CRYZL1: variants seen among roughly 807,000 people sequenced by gnomAD.
The protein encoded by CRYZL1 is crystallin zeta like 1.
In CRYZL1, 34 loss-of-function variants were observed where a neutral mutation model predicts 50.6. That is an observed-to-expected ratio of 0.67 (90% CI 0.51 to 0.89). The LOEUF is 0.89. Among genes scored for constraint, CRYZL1 ranks in the 40% least tolerant of loss-of-function variants. CRYZL1 has a pLI of 0.00. For missense variants in CRYZL1, 354 were observed against 402.3 expected (o/e 0.88, Z 1.03); for synonymous variants, 125 against 134.3 (o/e 0.93, Z 0.48).
intron 5 of CRYZL1, among the ~76,000 whole-genome samples, chr21:33,615,030 A>G (rs2086913265): frequency 6.6e-6 from 1 of 152,224 alleles, no homozygotes; most frequent in South Asian, 2.1e-4. Context: ...ATAATGCCTG[A>G]GTCAAAGGCA....
intron 5 of CRYZL1, among the ~76,000 whole-genome samples, chr21:33,614,675 G>A (rs1051027897): frequency 5.9e-5 from 9 of 152,020 alleles, no homozygotes; most frequent in Non-Finnish European, 7.4e-5. Context: ...GGGTTCAAGC[G>A]ATTCTCCTGC....
intron 2 of CRYZL1, among the ~76,000 whole-genome samples, chr21:33,629,979 A>T (rs2154503): frequency 1.2e-4 from 18 of 152,122 alleles, no homozygotes; most frequent in Admixed American, 7.8e-4. Context: ...TTCTGTATCT[A>T]TTGAGATGAT....
intron 11 of CRYZL1, chr21:33,595,482 T>A (rs752605789): frequency 7.5e-7 from 1 of 1,337,820 alleles, no homozygotes; most frequent in South Asian, 1.2e-5. Context: ...CGCCACTTGC[T>A]GCGTCCTTGA....
chr21:33,623,520 A>T (rs1333809355), intron 3 of CRYZL1, among the ~76,000 whole-genome samples: 1 of 152,202 alleles, frequency 6.6e-6, no homozygotes, highest in East Asian at 1.9e-4. Context: ...ATCTGAAAAC[A>T]GAAGTCTGCA....
At chr21:33,616,497 G>T in intron 5 of CRYZL1, 1 of 742,298 alleles carries the variant, frequency 1.3e-6, no homozygotes, top group Non-Finnish European at 2.1e-6. Context: ...TCTCCATGTT[G>T]GTCAGGCTGG....
chr21:33,610,210 G>T (rs900508414), intron 6 of CRYZL1, among the ~76,000 whole-genome samples: 5 of 151,866 alleles, frequency 3.3e-5, no homozygotes, highest in African/African-American at 9.7e-5. Flanking sequence ...CTGTTGCCCA[G>T]GCTGGAGTAC....
At chr21:33,629,788 G>C (rs1180969747) in intron 2 of CRYZL1, among the ~76,000 whole-genome samples, 3 of 152,168 alleles carry the variant, frequency 2.0e-5, no homozygotes, top group Non-Finnish European at 2.9e-5. Flanking sequence ...AGTAGTGAAA[G>C]TGGGCATCCT....
chr21:33,641,087 T>G, intron 1 of CRYZL1: 1 of 1,529,928 alleles, frequency 6.5e-7, no homozygotes, highest in Non-Finnish European at 8.8e-7. Context: ...GGTAAAACCT[T>G]TCTACTCATA....
intron 4 of CRYZL1, among the ~76,000 whole-genome samples, chr21:33,619,027 T>C (rs1015922586): frequency 2.6e-5 from 4 of 152,202 alleles, no homozygotes; most frequent in Non-Finnish European, 4.4e-5. Flanking sequence ...ACTCATTTAA[T>C]TGCTTACTAG....
chr21:33,597,609 ACT>A (rs1491584260), intron 9 of CRYZL1, among the ~76,000 whole-genome samples: 1 of 63,272 alleles, frequency 1.6e-5, no homozygotes, highest in Non-Finnish European at 3.1e-5. Flanking sequence ...GTCCGCCGGC[ACT>A]CTCTTTTTGT....
Position 33,624,683 on chromosome 21 carries a change from C to G in CRYZL1, c.144G>C (p.Lys48Asn). Residue 48 changes from lysine (K) to asparagine (N), a missense_variant and splice_region_variant, in exon 3 of 13, where the codon AAG becomes AAC. By Grantham distance (94) the Lys-to-Asn change is moderately conservative (BLOSUM62 0). Transcript: ENST00000381554. ...KACALSQINT[K>N]LLAEMKMKKD... ...TGTGCCATAATAAAAGAACCAATAC[C>G]TTTGTATTTATCTGGCTCAGAGCAC... is the stretch of plus-strand genomic sequence containing the variant. 1.9e-6 allele frequency: 3 copies of G among 1,607,716 alleles called. No individual in the cohort carries two copies. Among genetic ancestry groups the G allele is most frequent in the Non-Finnish European group, 2.5e-6 (3 of 1,178,268 alleles).
At chr21:33,591,408 A>G (rs975702207) in intron 11 of CRYZL1, 2 of 584,786 alleles carry the variant, frequency 3.4e-6, no homozygotes, top group African/African-American at 3.7e-5. Flanking sequence ...TGGTGGTGTA[A>G]TAGAGCCTAA....
At chr21:33,612,980 C>G (rs1378957375) in intron 6 of CRYZL1, among the ~76,000 whole-genome samples, 2 of 152,034 alleles carry the variant, frequency 1.3e-5, no homozygotes, top group Non-Finnish European at 2.9e-5. Flanking sequence ...CGTGTCACCA[C>G]ACCCAGCTAA....
chr21:33,609,717 CAG>C (rs1398626794), intron 6 of CRYZL1, among the ~76,000 whole-genome samples: 2 of 151,886 alleles, frequency 1.3e-5, no homozygotes, highest in South Asian at 2.1e-4. Context: ...TCTTTTCAGA[CAG>C]AGTCTCGCTC....
At chr21:33,636,346 G>C (rs988977760) in intron 1 of CRYZL1, among the ~76,000 whole-genome samples, 2 of 152,198 alleles carry the variant, frequency 1.3e-5, no homozygotes, top group Non-Finnish European at 2.9e-5. Context: ...CTGGACAACA[G>C]AGTGAAACCC....
At chr21:33,595,887 G>T in intron 10 of CRYZL1, 51 bp from the exon 11 acceptor site, 2 of 1,218,268 alleles carry the variant, frequency 1.6e-6, no homozygotes, top group South Asian at 1.2e-5. Context: ...TTTAACAGCA[G>T]GATGACTGGT....
At chr21:33,624,504 G>A (rs1406364215) in intron 3 of CRYZL1, among the ~76,000 whole-genome samples, 179 bp downstream of exon 3, 1 of 152,144 alleles carries the variant, frequency 6.6e-6, no homozygotes, top group East Asian at 1.9e-4. Flanking sequence ...AGCTGAGATT[G>A]CACCACTGCA....
At chr21:33,625,447 G>A (rs1247034303) in intron 2 of CRYZL1, among the ~76,000 whole-genome samples, 2 of 151,976 alleles carry the variant, frequency 1.3e-5, no homozygotes, top group Non-Finnish European at 2.9e-5. Context: ...GAGCCACCAC[G>A]CCCAGCAGGC....
At position 33,623,418 on chromosome 21, in the gene CRYZL1, G is replaced by A. The variant is rs551353300; in HGVS notation, c.144+1265C>T. Among the ~76,000 whole-genome samples, 130 of 152,158 alleles carry A rather than the reference G, an allele frequency of 8.5e-4. 1 individual carries two copies. The highest frequency in any genetic ancestry group is 5.2e-3 in the South Asian group (25 of 4,824). On this transcript the variant is annotated intron_variant, in intron 3 of 12. Coordinates refer to ENST00000381554, the MANE Select transcript of CRYZL1 (RefSeq NM_145858.3). ...CAGATGTGCAATATTTCATTCAACC[G>A]ATTTTACTATAATTTACTATTTATT... is the stretch of plus-strand genomic sequence containing the variant.
Sources: allele counts gnomAD v4.1 joint callset (sites outside exome capture counted in the v4.1 genomes callset), GRCh38; gene constraint gnomAD v4.1.1; transcripts MANE v1.5; gene names NCBI Gene and HGNC (gene_info 2026-07-23, HGNC 2026-07-21).